Variants in ACOT2 observed in about 807,000 individuals in gnomAD.
The protein encoded by ACOT2 is acyl-CoA thioesterase 2, also known as acyl-coenzyme A thioesterase 2, mitochondrial.
Under a neutral mutation model 20.1 loss-of-function variants are expected in ACOT2, and 15 were observed. The ratio of observed to expected loss-of-function variants is 0.75; its 90% CI spans 0.50 to 1.15. The LOEUF is 1.15. Ranked by LOEUF, ACOT2 falls within the 50% of genes most tolerant of loss-of-function variation. The pLI, the probability that ACOT2 is intolerant of heterozygous loss-of-function variation, is 0.00. For missense variants in ACOT2, 479 were observed against 615.3 expected, an observed-to-expected ratio of 0.78 and a Z score of 2.34; for synonymous variants, 252 against 268.4, an observed-to-expected ratio of 0.94 and a Z score of 0.60.
At chr14:73,569,168 T>C, upstream of ACOT2, 1 of 1,559,256 alleles carries the variant, frequency 6.4e-7, no homozygotes, top group Non-Finnish European at 8.7e-7. Context: ...GGCTGGACTC[T>C]GGCCTTCCCC....
At position 73,575,615 on chromosome 14, in the gene ACOT2, A is replaced by T; in HGVS notation, c.*102A>T. ...ATTCATTCTTTTGTTTTTAATAACTAAAGTTTTTTCCCCTCATTATTAAAA... is the reference window on the plus strand; with the variant it reads ...ATTCATTCTTTTGTTTTTAATAACTTAAGTTTTTTCCCCTCATTATTAAAA... On this transcript the variant is annotated 3_prime_UTR_variant, in exon 3 of 3. Transcript: ENST00000238651. 1 of 1,565,682 alleles carries T rather than the reference A, an allele frequency of 6.4e-7. No homozygotes were observed. Among genetic ancestry groups the T allele is most frequent in the Non-Finnish European group, 8.6e-7 (1 of 1,161,692 alleles).
At chr14:73,573,304 G>T in intron 1 of ACOT2, 84 bp from the exon 2 acceptor site, 2 of 1,589,504 alleles carry the variant, frequency 1.3e-6, no homozygotes, top group Middle Eastern at 3.3e-4. Context: ...TGGGTCACAT[G>T]TGTGGTAAGT....
At chr14:73,569,975 C>CG (rs1407282030) in intron 1 of ACOT2, 92 bp downstream of exon 1, 12 of 1,460,258 alleles carry the variant, frequency 8.2e-6, no homozygotes, top group African/African-American at 2.9e-5. Context: ...TGTATGCCCC[C>CG]CCGCCGCGCC....
chr14:73,569,292 G>T lies in ACOT2; in HGVS notation c.52G>T (p.Glu18Ter). 1 of 1,613,910 alleles carries T rather than the reference G, an allele frequency of 6.2e-7. No individual in the cohort carries two copies. The highest frequency in any genetic ancestry group is 8.5e-7 in the Non-Finnish European group (1 of 1,179,768). Reference sequence around the variant, plus strand: ...CCCCCATTCAGTTGTTCTCAGGTCTGAATTCAAAATGGCCTCATCTCCTGC... The same window carrying T: ...CCCCCATTCAGTTGTTCTCAGGTCTTAATTCAAAATGGCCTCATCTCCTGC... ...PHPHSVVLRSEFKMASSPAVL... is the reference protein window; with the variant it reads ...PHPHSVVLRS Residue 18 changes from glutamate (E) to a stop codon, truncating the protein, a stop_gained, in exon 1 of 3, where the codon GAA becomes TAA. Transcript: ENST00000238651. LOFTEE classifies it high-confidence loss of function.
chr14:73,569,923 T>G, intron 1 of ACOT2, 40 bp downstream of exon 1: 1 of 1,578,656 alleles, frequency 6.3e-7, no homozygotes, highest in Admixed American at 1.8e-5. Flanking sequence ...TCGTTCGCCT[T>G]TCACTTTGTG....
At chr14:73,572,642 T>C (rs7143834) in intron 1 of ACOT2, among the ~76,000 whole-genome samples, 3,132 of 12,010 alleles carry the variant, frequency 0.26, 423 homozygotes, top group East Asian at 0.54. Context: ...TGTTTGCATT[T>C]TTTTTTTTTT....
At chr14:73,570,041 G>C (rs1244008166) in intron 1 of ACOT2, among the ~76,000 whole-genome samples, 158 bp downstream of exon 1, 1 of 150,324 alleles carries the variant, frequency 6.7e-6, no homozygotes, top group Non-Finnish European at 1.5e-5. Flanking sequence ...CTATCTTCCC[G>C]CCTCTGCCTC....
chr14:73,568,994 T>A, upstream of ACOT2: 1 of 534,100 alleles, frequency 1.9e-6, no homozygotes, highest in African/African-American at 1.9e-5. Flanking sequence ...TGGAGACTGC[T>A]AGCTGCCTGG....
chr14:73,569,987 C>T (rs1461083771), intron 1 of ACOT2, 104 bp downstream of exon 1: 16 of 1,451,172 alleles, frequency 1.1e-5, no homozygotes, highest in Admixed American at 2.4e-5. Flanking sequence ...CGCCGCGCCC[C>T]CGGGCTATAT....
rs1435222348 is a variant in ACOT2, at chr14:73,569,308, C to T, written c.68C>T (p.Ser23Leu). 8 of 1,613,812 alleles carry T rather than the reference C, an allele frequency of 5.0e-6. No homozygotes were observed. In the Admixed American group the frequency reaches 5.0e-5, roughly 10 times the overall value. ...VVLRSEFKMASSPAVLRASRL... is the reference protein window; with the variant it reads ...VVLRSEFKMALSPAVLRASRL... ...CTCAGGTCTGAATTCAAAATGGCCT[C>T]ATCTCCTGCTGTCCTTCGAGCGTCC... Residue 23 changes from serine to leucine, a missense_variant, in exon 1 of 3, where the codon TCA becomes TTA. Transcript: ENST00000238651.
In ACOT2 at chr14:73,573,446, G is replaced by GA; in HGVS notation, c.702_703insA (p.Tyr235IlefsTer4). On this transcript the variant is annotated frameshift_variant, in exon 2 of 3. Coordinates refer to ENST00000238651, the MANE Select transcript of ACOT2 (RefSeq NM_006821.6). LOFTEE classifies it high-confidence loss of function. ...TCGGAACTGGAGGTGGCCTGCTGGA[G>GA]TATCGGGCTAGTCTGCTGGCTGGGA... The GA allele has an allele frequency of 6.2e-7, 1 of 1,613,780 alleles. No individual in the cohort carries two copies.
At chr14:73,573,893 A>G (rs1346257507) in intron 2 of ACOT2, among the ~76,000 whole-genome samples, 3 of 152,006 alleles carry the variant, frequency 2.0e-5, no homozygotes, top group African/African-American at 7.2e-5. Context: ...TGCTTGGCTA[A>G]TTTTTGTATT....
At chr14:73,572,379 CCA>C (rs1415542715) in intron 1 of ACOT2, among the ~76,000 whole-genome samples, 1 of 151,366 alleles carries the variant, frequency 6.6e-6, no homozygotes, top group Non-Finnish European at 1.5e-5. Flanking sequence ...AATCTCCAAA[CCA>C]CTGTTGAGTG....
In ACOT2 at chr14:73,574,952, T is replaced by TGA; in HGVS notation, c.893_894dup (p.Leu299SerfsTer10). 1 of 1,604,076 alleles carries TGA rather than the reference T, an allele frequency of 6.2e-7. No homozygotes were observed. The highest frequency in any genetic ancestry group is 8.5e-7 in the Non-Finnish European group (1 of 1,174,708). ...GGCTGCTTGGAATTTCCAAAGGGGG[T>TGA]GAGCTCTGCCTTTCCATGGCCTCTT... On this transcript the variant is annotated frameshift_variant, in exon 3 of 3. Coordinates refer to ENST00000238651, the MANE Select transcript of ACOT2 (RefSeq NM_006821.6). LOFTEE classifies it low-confidence loss of function (END_TRUNC).
chr14:73,575,530 T>A lies in ACOT2; in HGVS notation c.*17T>A. The A allele has an allele frequency of 6.7e-7, 1 of 1,499,518 alleles. No homozygotes were observed. The highest frequency in any genetic ancestry group is 8.9e-7 in the Non-Finnish European group (1 of 1,121,668). The allele number at this position is 1,499,518 out of a possible 1,614,324, so 92.9% of individuals were successfully genotyped here. A position where few individuals can be genotyped will look rare whatever the true frequency, so the allele number is the denominator to read the frequency against. Reference sequence around the variant, plus strand: ...AAAGTGTAAATTTTATTTGATCATGTGGCCTCTCTGTTGCTAATCTCTCCT... The same window carrying A: ...AAAGTGTAAATTTTATTTGATCATGAGGCCTCTCTGTTGCTAATCTCTCCT... On this transcript the variant is annotated 3_prime_UTR_variant, in exon 3 of 3. Coordinates refer to ENST00000238651, the MANE Select transcript of ACOT2 (RefSeq NM_006821.6).
chr14:73,570,626 C>T (rs955558838), intron 1 of ACOT2, among the ~76,000 whole-genome samples: 2 of 151,674 alleles, frequency 1.3e-5, no homozygotes, highest in African/African-American at 2.4e-5. Context: ...CAAAACAGGC[C>T]GGGCGCGGTG....
intron 1 of ACOT2, among the ~76,000 whole-genome samples, chr14:73,572,631 G>C (rs1484425343): frequency 1.1e-5 from 1 of 89,024 alleles, no homozygotes. Flanking sequence ...TGCCTGTAAG[G>C]TGTTTGCATT....
At chr14:73,568,797 A>C (rs1400154649), upstream of ACOT2, among the ~76,000 whole-genome samples, 1 of 152,112 alleles carries the variant, frequency 6.6e-6, no homozygotes, top group Non-Finnish European at 1.5e-5. Flanking sequence ...GCTAGTAAGA[A>C]GCCAGCACCC....
Position 73,569,395 on chromosome 14 carries a change from A to C in ACOT2, c.155A>C (p.Gln52Pro), listed in dbSNP as rs572796695. The C allele has an allele frequency of 6.2e-7, 1 of 1,613,956 alleles. No homozygotes were observed. Among genetic ancestry groups the C allele is most frequent in the South Asian group, 1.1e-5 (1 of 91,072 alleles). Reference protein sequence around the residue: ...AQFLGSPQLRQVGQIIRVPAR... With the variant: ...AQFLGSPQLRPVGQIIRVPAR... Reference sequence around the variant, plus strand: ...TTCCTGGGGTCTCCACAGCTGAGGCAGGTTGGTCAGATCATTAGGGTTCCT... The same window carrying C: ...TTCCTGGGGTCTCCACAGCTGAGGCCGGTTGGTCAGATCATTAGGGTTCCT... Residue 52 changes from glutamine to proline, a missense_variant, in exon 1 of 3, where the codon CAG becomes CCG. Gln to Pro is a moderately conservative substitution (Grantham distance 76). This residue lies in a region of ACOT2 where 400 missense variants were observed against 395.5 expected (regional missense o/e 1.01). Coordinates refer to ENST00000238651, the MANE Select transcript of ACOT2 (RefSeq NM_006821.6).
Sources: gnomAD v4.1 joint callset for allele counts (sites outside exome capture counted in the v4.1 genomes callset) on GRCh38, gnomAD v4.1.1 for gene constraint, gnomAD v4.1.1 regional missense constraint, MANE v1.5 for transcripts, NCBI Gene and HGNC (gene_info 2026-07-23, HGNC 2026-07-21) for gene names.